Variants in CTSC observed in about 807,000 individuals in gnomAD.
The protein encoded by CTSC is dipeptidyl peptidase 1.
In CTSC, 37 loss-of-function variants were observed where a neutral mutation model predicts 40.9. The observed-to-expected ratio is 0.91, with a 90% confidence interval of 0.70 to 1.19. The LOEUF (loss-of-function observed/expected upper bound fraction) is 1.19, where lower values mean the gene tolerates loss of function less well. Among genes scored for constraint, CTSC ranks in the 50% most tolerant of loss-of-function variants. CTSC has a pLI of 0.00. For missense variants in CTSC, 594 were observed against 567.3 expected (o/e 1.05, Z -0.48); for synonymous variants, 232 against 207.4 (o/e 1.12, Z -1.02).
chr11:88,316,022 G>C (rs1448379807), intron 2 of CTSC, among the ~76,000 whole-genome samples: 1 of 151,470 alleles, frequency 6.6e-6, no homozygotes, highest in Non-Finnish European at 1.5e-5. Flanking sequence ...AAAAAAAAAA[G>C]GTGCAGAGAA....
chr11:88,325,390 G>A, intron 2 of CTSC: 3 of 985,330 alleles, frequency 3.0e-6, no homozygotes, highest in Non-Finnish European at 2.4e-6. Flanking sequence ...ACTTCAACAT[G>A]AGCCCATGCA....
Position 88,309,461 on chromosome 11 carries a change from A to G in CTSC, c.486-143T>C, listed in dbSNP as rs541185872. ...AATTGGCAATATGTATCAATAGCCT[A>G]GAACAGCCTGGCATGTCTTCTCTAA... On this transcript the variant is annotated intron_variant, in intron 3 of 6. Transcript: ENST00000227266. The G allele has an allele frequency of 3.6e-5, 27 of 740,172 alleles. No homozygotes were observed. The East Asian group carries it at 6.4e-4, about 18-fold the overall frequency. 45.9% of individuals were successfully genotyped at this position (740,172 alleles called of 1,614,324 possible).
At chr11:88,331,758 G>A (rs560008084) in intron 2 of CTSC, among the ~76,000 whole-genome samples, 1 of 152,326 alleles carries the variant, frequency 6.6e-6, no homozygotes, top group Non-Finnish European at 1.5e-5. Flanking sequence ...TCTCTGTGCA[G>A]TGTTCCTTCT....
At position 88,304,473 on chromosome 11, in the gene CTSC, T is replaced by C. The variant is rs947613785; in HGVS notation, c.642-3828A>G. Among the ~76,000 whole-genome samples, 176 of 152,196 alleles carry C rather than the reference T, an allele frequency of 1.2e-3. 9 individuals carry two copies. Among genetic ancestry groups the C allele is most frequent in the Non-Finnish European group, 2.9e-5 (2 of 68,028 alleles). Reference sequence around the variant, plus strand: ...CTATAAGGCAGAGATTTGCCCATCATTGCACACACAAACAAAACAAAAACA... The same window carrying C: ...CTATAAGGCAGAGATTTGCCCATCACTGCACACACAAACAAAACAAAAACA... On this transcript the variant is annotated intron_variant, in intron 4 of 6. Transcript: ENST00000227266.
chr11:88,333,232 C>T (rs1360382708), intron 2 of CTSC, among the ~76,000 whole-genome samples: 1 of 152,170 alleles, frequency 6.6e-6, no homozygotes, highest in Admixed American at 6.5e-5. Flanking sequence ...TCCAATTCTG[C>T]AGAATTTAAG....
intron 6 of CTSC, 100 bp from the exon 7 acceptor site, chr11:88,294,608 CT>C (rs1944278805): frequency 2.9e-6 from 4 of 1,359,566 alleles, no homozygotes; most frequent in South Asian, 1.2e-5. Context: ...CATGTTACCC[CT>C]GAAAGTTGTT....
At chr11:88,309,451 TC>T in intron 3 of CTSC, 133 bp from the exon 4 acceptor site, 2 of 789,736 alleles carry the variant, frequency 2.5e-6, no homozygotes, top group East Asian at 5.0e-5. Context: ...GCAATATGTA[TC>T]AATAGCCTAG....
At chr11:88,300,919 TAG>T (rs1298940724) in intron 4 of CTSC, among the ~76,000 whole-genome samples, 3 of 152,138 alleles carry the variant, frequency 2.0e-5, no homozygotes, top group Non-Finnish European at 4.4e-5. Context: ...ATGTTATTTT[TAG>T]TTTGCCTGAA....
chr11:88,310,448 C>T (rs1490647017), intron 3 of CTSC, among the ~76,000 whole-genome samples: 1 of 150,808 alleles, frequency 6.6e-6, no homozygotes, highest in African/African-American at 2.4e-5. Flanking sequence ...CAGAGTGACT[C>T]ACTATCTAAG....
intron 4 of CTSC, among the ~76,000 whole-genome samples, chr11:88,301,639 T>C (rs1346548191): frequency 6.6e-6 from 1 of 152,162 alleles, no homozygotes; most frequent in African/African-American, 2.4e-5. Context: ...TGTTTCATTA[T>C]AGAACCACAC....
chr11:88,337,003 G>C (rs1183477312), intron 1 of CTSC, among the ~76,000 whole-genome samples: 1 of 151,868 alleles, frequency 6.6e-6, no homozygotes, highest in Admixed American at 6.6e-5. Context: ...CCGTTTTCTA[G>C]TACTCATCAA....
chr11:88,316,500 T>TAAATAAAAAAAA (rs879568972), intron 2 of CTSC, among the ~76,000 whole-genome samples: 1 of 151,746 alleles, frequency 6.6e-6, no homozygotes, highest in Non-Finnish European at 1.5e-5. Flanking sequence ...AATAAATAAA[T>TAAATAAAAAAAA]AAATGAAGCA....
At chr11:88,317,459 T>G (rs1282717114) in intron 2 of CTSC, among the ~76,000 whole-genome samples, 2 of 152,220 alleles carry the variant, frequency 1.3e-5, no homozygotes, top group East Asian at 3.8e-4. Context: ...TGTATCAATT[T>G]TAGAACCTGA....
chr11:88,322,695 T>C (rs1224542855), intron 2 of CTSC: 2 of 152,150 alleles, frequency 1.3e-5, no homozygotes, highest in Non-Finnish European at 2.9e-5. Context: ...CCTGGATGCA[T>C]ACACACTCCC....
intron 2 of CTSC, chr11:88,323,051 ACATC>A (rs1938071659): frequency 6.6e-6 from 1 of 152,200 alleles, no homozygotes; most frequent in African/African-American, 2.4e-5. Flanking sequence ...ATCCAGCAGC[ACATC>A]CAAAAGCTTA....
chr11:88,296,030 ACACTGCG>A, intron 6 of CTSC, 96 bp downstream of exon 6: 1 of 1,222,532 alleles, frequency 8.2e-7, no homozygotes, highest in Non-Finnish European at 1.2e-6. Context: ...CTGACTATAG[ACACTGCG>A]CTCTCTCTAC....
At chr11:88,333,386 G>T (rs1387624770) in intron 2 of CTSC, among the ~76,000 whole-genome samples, 3 of 151,940 alleles carry the variant, frequency 2.0e-5, no homozygotes, top group African/African-American at 7.3e-5. Context: ...AATTGACTAG[G>T]TGTCTATTGT....
intron 2 of CTSC, among the ~76,000 whole-genome samples, chr11:88,312,816 AAAAG>A (rs986916685): frequency 6.6e-6 from 1 of 152,194 alleles, no homozygotes; most frequent in Non-Finnish European, 1.5e-5. Flanking sequence ...AACAAAACAA[AAAAG>A]AAAGAAAACA....
intron 6 of CTSC, among the ~76,000 whole-genome samples, chr11:88,295,844 T>G (rs1283108751): frequency 2.0e-5 from 3 of 152,218 alleles, no homozygotes; most frequent in Non-Finnish European, 2.9e-5. Flanking sequence ...TCCCCGCCCA[T>G]AAATAGGGAT....
Sources: allele counts gnomAD v4.1 joint callset (sites outside exome capture counted in the v4.1 genomes callset), GRCh38; gene constraint gnomAD v4.1.1; transcripts MANE v1.5; gene names NCBI Gene and HGNC (gene_info 2026-07-23, HGNC 2026-07-21).